Variants in CD82 observed in about 807,000 individuals in gnomAD.
CD82 encodes the protein CD82 antigen.
Under a neutral mutation model 37.4 loss-of-function variants are expected in CD82, and 36 were observed. The ratio of observed to expected loss-of-function variants is 0.96; its 90% CI spans 0.74 to 1.27. The LOEUF is 1.27. Ranked by LOEUF, CD82 falls within the 50% of genes most tolerant of loss-of-function variation. CD82 has a pLI of 0.00. For missense variants in CD82, 340 were observed against 347.0 expected, an observed-to-expected ratio of 0.98 and a Z score of 0.16; for synonymous variants, 158 against 137.4, an observed-to-expected ratio of 1.15 and a Z score of -1.05.
chr11:44,581,256 T>A (rs1852975066), intron 1 of CD82, among the ~76,000 whole-genome samples: 1 of 151,854 alleles, frequency 6.6e-6, no homozygotes, highest in Admixed American at 6.6e-5. Flanking sequence ...TCTGGGAGGG[T>A]CAGATGTTGG....
intron 1 of CD82, among the ~76,000 whole-genome samples, chr11:44,580,465 C>T (rs1266233274): frequency 2.0e-5 from 3 of 152,172 alleles, no homozygotes; most frequent in African/African-American, 4.8e-5. Context: ...CGGTGGCTCA[C>T]GCCGTAATCC....
At chr11:44,580,872 G>A (rs1386426830) in intron 1 of CD82, among the ~76,000 whole-genome samples, 6 of 152,218 alleles carry the variant, frequency 3.9e-5, no homozygotes, top group Non-Finnish European at 7.3e-5. Flanking sequence ...TCGAGGATGT[G>A]GCATTTCAGC....
intron 1 of CD82, among the ~76,000 whole-genome samples, chr11:44,586,829 A>C (rs941682099): frequency 6.6e-6 from 1 of 152,210 alleles, no homozygotes; most frequent in African/African-American, 2.4e-5. Context: ...CCTGCTTCCT[A>C]AAAACATACA....
At chr11:44,580,737 C>G (rs1292443992) in intron 1 of CD82, among the ~76,000 whole-genome samples, 1 of 152,116 alleles carries the variant, frequency 6.6e-6, no homozygotes, top group South Asian at 2.1e-4. Flanking sequence ...AAACAGTAAA[C>G]AGAACCAGGG....
intron 7 of CD82, among the ~76,000 whole-genome samples, chr11:44,616,309 G>A (rs988258958): frequency 6.6e-6 from 1 of 152,194 alleles, no homozygotes; most frequent in African/African-American, 2.4e-5. Flanking sequence ...ATCAGGTGTG[G>A]GGGTTGTGGC....
At chr11:44,617,419 C>T (rs896552450) in intron 7 of CD82, among the ~76,000 whole-genome samples, 6 of 151,948 alleles carry the variant, frequency 3.9e-5, no homozygotes, top group Admixed American at 6.5e-5. Context: ...ATTAGCCGGG[C>T]GTGATGGCGA....
chr11:44,611,928 G>GGCT (rs1853487683), intron 6 of CD82, among the ~76,000 whole-genome samples: 1 of 152,246 alleles, frequency 6.6e-6, no homozygotes. Context: ...GGGAAGTCCA[G>GGCT]GCTGCTGTGA....
intron 4 of CD82, among the ~76,000 whole-genome samples, chr11:44,600,903 G>A (rs1303134753): frequency 2.0e-5 from 3 of 150,946 alleles, no homozygotes; most frequent in South Asian, 2.1e-4. Context: ...TGTGGGACTC[G>A]AACTCCAAGA....
rs1853238382 is a variant in CD82 at position 44,597,034 on chromosome 11, A to G, written c.63+2309A>G. ...AGAGGGGGATCCTGGCAGCAGGGGCAGCCGGTGGAGGCAGAGTGCACCTCC... is the reference window on the plus strand; with the variant it reads ...AGAGGGGGATCCTGGCAGCAGGGGCGGCCGGTGGAGGCAGAGTGCACCTCC... On this transcript the variant is annotated intron_variant, in intron 3 of 9. Transcript: ENST00000227155. The surrounding 1 kb of genome is among the most constrained non-coding windows in gnomAD (Gnocchi z 4.1). The G allele has an allele frequency of 4.4e-6, 2 of 455,772 alleles. No individual in the cohort carries two copies. Among genetic ancestry groups the G allele is most frequent in the East Asian group, 6.9e-5 (1 of 14,402 alleles). The allele number at this position is 455,772 out of a possible 1,614,324, so 28.2% of individuals were successfully genotyped here.
intron 2 of CD82, among the ~76,000 whole-genome samples, chr11:44,589,900 C>T (rs1017232902): frequency 1.3e-5 from 2 of 151,966 alleles, no homozygotes; most frequent in Non-Finnish European, 2.9e-5. Flanking sequence ...GTGGCGCGAT[C>T]TCGGCTCACT....
Position 44,605,349 on chromosome 11 carries a change from C to A in CD82, c.262-6C>A. 6.2e-7 allele frequency: 1 copy of A among 1,614,168 alleles called. No homozygotes were observed. Among genetic ancestry groups the A allele is most frequent in the Non-Finnish European group, 8.5e-7 (1 of 1,179,976 alleles). ...AGCTGACTTTGTGCCTGCTCTGTGT[C>A]CCCAGTACTTTGCTTTCCTGCTCCT... On this transcript the variant is annotated splice_polypyrimidine_tract_variant and splice_region_variant and intron_variant, in intron 5 of 9. Transcript: ENST00000227155.
intron 3 of CD82, among the ~76,000 whole-genome samples, chr11:44,596,464 G>A (rs1300755271): frequency 1.3e-5 from 2 of 152,248 alleles, no homozygotes; most frequent in African/African-American, 2.4e-5. Context: ...TGCAGTGGGG[G>A]TTGGGGAGAC....
intron 1 of CD82, among the ~76,000 whole-genome samples, chr11:44,580,291 G>C (rs1453889482): frequency 6.6e-6 from 1 of 152,218 alleles, no homozygotes; most frequent in African/African-American, 2.4e-5. Flanking sequence ...CCTTCACTCT[G>C]TCTCACTTAC....
At position 44,611,845 on chromosome 11, in the gene CD82, G is replaced by C. The variant is rs193023458; in HGVS notation, c.337-3427G>C. On this transcript the variant is annotated intron_variant, in intron 6 of 9. Transcript: ENST00000227155. ...TGAAAGATGTTGTGGTGTTTCCATGGAAACCACCCATCTAGGTGGAAACCA... is the reference window on the plus strand; with the variant it reads ...TGAAAGATGTTGTGGTGTTTCCATGCAAACCACCCATCTAGGTGGAAACCA... Among the ~76,000 whole-genome samples the C allele has an allele frequency of 3.7e-3, 515 of 139,746 alleles. 5 individuals are homozygous for C. The highest frequency in any genetic ancestry group is 0.012 in the African/African-American group (494 of 40,694). 91.7% of individuals were successfully genotyped at this position (139,746 alleles called of 152,430 possible).
chr11:44,617,560 GAAA>G (rs35015542), intron 7 of CD82, among the ~76,000 whole-genome samples: 81 of 88,638 alleles, frequency 9.1e-4, no homozygotes, highest in Admixed American at 1.6e-3. Context: ...CTCTGTCTCA[GAAA>G]AAAAAAAAAA....
chr11:44,604,296 C>T (rs1853356383), intron 4 of CD82: 1 of 152,766 alleles, frequency 6.5e-6, no homozygotes, highest in African/African-American at 2.4e-5. Context: ...GAACATGCAG[C>T]ACACCTGTAG....
At chr11:44,570,458 C>G (rs1852797981) in intron 1 of CD82, among the ~76,000 whole-genome samples, 1 of 152,226 alleles carries the variant, frequency 6.6e-6, no homozygotes, top group Non-Finnish European at 1.5e-5. Context: ...ATACAGCAGG[C>G]ACTTGGGGAT....
intron 7 of CD82, among the ~76,000 whole-genome samples, chr11:44,617,826 G>A (rs1853587916): frequency 6.6e-6 from 1 of 152,200 alleles, no homozygotes; most frequent in South Asian, 2.1e-4. Context: ...GTTCCTTGAT[G>A]GAGGTTGCTC....
At chr11:44,581,624 T>C (rs1028841896) in intron 1 of CD82, among the ~76,000 whole-genome samples, 2 of 152,198 alleles carry the variant, frequency 1.3e-5, no homozygotes, top group Non-Finnish European at 2.9e-5. Flanking sequence ...ATCTGTTTCC[T>C]GTTTCACTCC....
Sources: gnomAD v4.1 joint callset for allele counts (sites outside exome capture counted in the v4.1 genomes callset) on GRCh38, gnomAD v4.1.1 for gene constraint, Gnocchi (gnomAD v3.1) non-coding constraint, MANE v1.5 for transcripts, NCBI Gene and HGNC (gene_info 2026-07-23, HGNC 2026-07-21) for gene names.